Variants in TGM2 observed in about 807,000 individuals in gnomAD.
TGM2 encodes the protein transglutaminase 2.
In TGM2, 53 loss-of-function variants were observed where a neutral mutation model predicts 75.6. That is an observed-to-expected ratio of 0.70 (90% confidence interval 0.56 to 0.88). TGM2 has a LOEUF of 0.88. TGM2 is among the 40% of genes least tolerant of loss of function. TGM2 has a pLI of 0.00. For synonymous variants in TGM2, 374 were observed against 381.1 expected, an observed-to-expected ratio of 0.98 and a Z score of 0.22; for missense variants, 842 against 928.5, an observed-to-expected ratio of 0.91 and a Z score of 1.21.
chr20:38,161,364 T>C, intron 2 of TGM2, 56 bp downstream of exon 2: 2 of 1,596,556 alleles, frequency 1.3e-6, no homozygotes, highest in Non-Finnish European at 1.7e-6. Context: ...CATGTCGGGG[T>C]GGAGAGGAAG....
chr20:38,141,063 C>T (rs1183191686), intron 8 of TGM2, among the ~76,000 whole-genome samples: 1 of 152,150 alleles, frequency 6.6e-6, no homozygotes, highest in Non-Finnish European at 1.5e-5. Context: ...TTTCTTTGAG[C>T]TTCTCTGTAT....
intron 6 of TGM2, among the ~76,000 whole-genome samples, chr20:38,143,256 G>A (rs1171534840): frequency 6.6e-6 from 1 of 152,180 alleles, no homozygotes; most frequent in Non-Finnish European, 1.5e-5. Flanking sequence ...ACAGAGGTCG[G>A]GAGACCCAGC....
upstream of TGM2, among the ~76,000 whole-genome samples, chr20:38,167,899 C>G (rs1006310734): frequency 4.6e-5 from 7 of 152,314 alleles, no homozygotes; most frequent in South Asian, 1.5e-3. Flanking sequence ...GTCACTTAAC[C>G]TCTGTGCCTC....
chr20:38,147,875 C>A (rs1236570965), intron 5 of TGM2, 86 bp downstream of exon 5: 1 of 1,549,048 alleles, frequency 6.5e-7, no homozygotes, highest in African/African-American at 1.4e-5. Flanking sequence ...CCCCACCGCG[C>A]CTAGCCTGTG....
At chr20:38,157,256 A>G (rs1402772335) in intron 2 of TGM2, among the ~76,000 whole-genome samples, 1 of 139,254 alleles carries the variant, frequency 7.2e-6, no homozygotes, top group African/African-American at 2.6e-5. Context: ...CCCCACCCAC[A>G]CCCAGCTCAA....
At chr20:38,155,044 T>C (rs2075165598) in intron 3 of TGM2, among the ~76,000 whole-genome samples, 1 of 152,158 alleles carries the variant, frequency 6.6e-6, no homozygotes, top group African/African-American at 2.4e-5. Context: ...GGGCAGAGGT[T>C]GCAGTGAGCT....
chr20:38,151,340 C>A (rs1052213535), intron 3 of TGM2, among the ~76,000 whole-genome samples: 2 of 152,088 alleles, frequency 1.3e-5, no homozygotes, highest in African/African-American at 4.8e-5. Flanking sequence ...TCCAGAAGAG[C>A]CTTATGAGGA....
intron 3 of TGM2, 93 bp from the exon 4 acceptor site, chr20:38,151,150 A>AAGC: frequency 1.1e-6 from 1 of 880,214 alleles, no homozygotes; most frequent in South Asian, 1.3e-5. Context: ...TCCCTAGGCC[A>AAGC]AGCCAGCGTC....
At position 38,130,109 on chromosome 20, in the gene TGM2, C is replaced by T; in HGVS notation, c.*110G>A. 6.7e-7 allele frequency: 1 copy of T among 1,483,728 alleles called. No individual in the cohort carries two copies. The highest frequency in any genetic ancestry group is 9.2e-7 in the Non-Finnish European group (1 of 1,091,854). The allele number at this position is 1,483,728 out of a possible 1,614,324, so 91.9% of individuals were successfully genotyped here. The stretch of plus-strand genomic sequence containing the variant: ...TTTCCGAGAGCCCCCATAGGCTGCC[C>T]ACCCTGCCCTGGGGTCTGGGGCCCA... On this transcript the variant is annotated 3_prime_UTR_variant, in exon 13 of 13. Coordinates refer to ENST00000361475, the MANE Select transcript of TGM2 (RefSeq NM_004613.4).
At chr20:38,163,890 G>C (rs1160827685) in intron 1 of TGM2, among the ~76,000 whole-genome samples, 1 of 152,192 alleles carries the variant, frequency 6.6e-6, no homozygotes, top group Non-Finnish European at 1.5e-5. Context: ...GGGAGCTGGG[G>C]CATTTTCTCC....
chr20:38,138,374 C>T lies in TGM2; in HGVS notation c.1354G>A (p.Glu452Lys). 6.2e-7 allele frequency: 1 copy of T among 1,614,010 alleles called. No homozygotes were observed. Among genetic ancestry groups the T allele is most frequent in the Non-Finnish European group, 8.5e-7 (1 of 1,180,036 alleles). Reference sequence around the variant, plus strand: ...TTCGCCCTTGTGAAGGCCTCCCTCTCCTCTGAGGACCCTGTAGGGGTTGAG... The same window carrying T: ...TTCGCCCTTGTGAAGGCCTCCCTCTTCTCTGAGGACCCTGTAGGGGTTGAG... ...TYKYPEGSSE[E>K]REAFTRANHL... Residue 452 changes from glutamate to lysine, a missense_variant, in exon 10 of 13, where the codon GAG becomes AAG. Glu to Lys is a moderately conservative substitution (Grantham distance 56). Coordinates refer to ENST00000361475, the MANE Select transcript of TGM2 (RefSeq NM_004613.4).
chr20:38,155,065 C>T lies in TGM2; in HGVS notation c.433+782G>A, dbSNP rs112746161. Reference sequence around the variant, plus strand: ...AGGTTGCAGTGAGCTGAGATTGTACCATTGCACTCCAGCCCAGGCAACAAG... The same window carrying T: ...AGGTTGCAGTGAGCTGAGATTGTACTATTGCACTCCAGCCCAGGCAACAAG... On this transcript the variant is annotated intron_variant, in intron 3 of 12. Coordinates refer to ENST00000361475, the MANE Select transcript of TGM2 (RefSeq NM_004613.4). 3.0e-3 allele frequency among the ~76,000 whole-genome samples: 461 copies of T among 152,290 alleles called. 2 individuals carry two copies. Among genetic ancestry groups the T allele is most frequent in the African/African-American group, 0.011 (444 of 41,554 alleles).
chr20:38,132,645 A>G, intron 10 of TGM2, 145 bp from the exon 11 acceptor site: 1 of 1,137,964 alleles, frequency 8.8e-7, no homozygotes, highest in Non-Finnish European at 1.3e-6. Flanking sequence ...TGAACTCCCC[A>G]CTGTGGCTCC....
chr20:38,166,095 T>C (rs45551839), upstream of TGM2, among the ~76,000 whole-genome samples: 12,715 of 67,748 alleles, frequency 0.19, 781 homozygotes, highest in Non-Finnish European at 0.38. Flanking sequence ...CATGCAGGCA[T>C]GGACTCAGGT....
At chr20:38,156,533 TC>T (rs564273737) in intron 2 of TGM2, among the ~76,000 whole-genome samples, 421 of 152,318 alleles carry the variant, frequency 2.8e-3, no homozygotes, top group African/African-American at 9.5e-3. Context: ...CCTGCTAGCG[TC>T]CCGCTTTTTC....
intron 10 of TGM2, chr20:38,132,779 C>T: frequency 3.7e-6 from 2 of 534,030 alleles, no homozygotes; most frequent in South Asian, 3.1e-5. Flanking sequence ...CCGCGTGAGC[C>T]ACTCCACCTC....
In TGM2 at chr20:38,148,751, T is replaced by C. The variant is rs140558775; in HGVS notation, c.553-662A>G. Among the ~76,000 whole-genome samples, 750 of 152,298 alleles carry C rather than the reference T, an allele frequency of 4.9e-3. 4 individuals are homozygous for C. The highest frequency in any genetic ancestry group is 0.014 in the South Asian group (66 of 4,822). Reference sequence around the variant, plus strand: ...CTCACTGCCCCAGGGCCCTTGCATGTGCTATTTCTCTGCTCAGAATGCTCT... The same window carrying C: ...CTCACTGCCCCAGGGCCCTTGCATGCGCTATTTCTCTGCTCAGAATGCTCT... On this transcript the variant is annotated intron_variant, in intron 4 of 12. Transcript: ENST00000361475.
Position 38,130,227 on chromosome 20 carries a change from G to A in TGM2, c.2056C>T (p.Pro686Ser), listed in dbSNP as rs1197808333. Residue 686 changes from proline to serine, a missense_variant, in exon 13 of 13, where the codon CCC becomes TCC. Physicochemically the swap from Pro to Ser is moderately conservative, Grantham distance 74. Transcript: ENST00000361475. ...VKGFRNVIIG[P>S]A ...CTGGGAGCAGGGGTCCCTTAGGCGG[G>A]GCCAATGATGACATTCCGGAAGCCC... The A allele has an allele frequency of 1.9e-6, 3 of 1,613,362 alleles. No homozygotes were observed. Among genetic ancestry groups the A allele is most frequent in the Non-Finnish European group, 2.5e-6 (3 of 1,179,894 alleles).
upstream of TGM2, among the ~76,000 whole-genome samples, chr20:38,167,739 A>G (rs2075322218): frequency 6.6e-6 from 1 of 152,156 alleles, no homozygotes; most frequent in Admixed American, 6.5e-5. Context: ...CATCAATTCT[A>G]TCAGCAGCAG....
Sources: allele counts gnomAD v4.1 joint callset (sites outside exome capture counted in the v4.1 genomes callset), GRCh38; gene constraint gnomAD v4.1.1; transcripts MANE v1.5; gene names NCBI Gene and HGNC (gene_info 2026-07-23, HGNC 2026-07-21).